The following ZNF121 variants were observed in gnomAD, a reference collection of about 807,000 sequenced individuals.
ZNF121 encodes zinc finger protein 121.
Under a neutral mutation model 2.4 loss-of-function variants are expected in ZNF121, and 1 was observed. The observed-to-expected ratio is 0.41, with a 90% CI of 0.15 to 1.94. The LOEUF (loss-of-function observed/expected upper bound fraction) is 1.94. Ranked by LOEUF, ZNF121 falls within the 30% of genes most tolerant of loss-of-function variation. ZNF121 has a pLI of 0.30. For synonymous variants in ZNF121, 173 were observed against 158.6 expected (o/e 1.09, Z -0.68); for missense variants, 369 against 466.3 (o/e 0.79, Z 1.92).
chr19:9,564,795 G>A lies in ZNF121; in HGVS notation c.*1145C>T, dbSNP rs997002001. The A allele has an allele frequency of 5.3e-5, 8 of 152,296 alleles. No individual in the cohort carries two copies. Among genetic ancestry groups the A allele is most frequent in the Admixed American group, 6.5e-5 (1 of 15,292 alleles). The allele number at this position is 152,296 out of a possible 1,614,324, so 9.4% of individuals were successfully genotyped here. A position where few individuals can be genotyped will look rare whatever the true frequency, so the allele number is the denominator to read the frequency against. On this transcript the variant is annotated 3_prime_UTR_variant, in exon 4 of 4. Transcript: ENST00000320451. ...GCGTAAAATGTTATCAAACAGCGTC[G>A]AATGCTAAAGAGAAGTTTTTCATGT...
chr19:9,583,092 C>G (rs540021622), intron 1 of ZNF121, among the ~76,000 whole-genome samples: 2 of 147,606 alleles, frequency 1.4e-5, no homozygotes, highest in East Asian at 4.3e-4. Flanking sequence ...GGTCCCCATG[C>G]CTGTTGTCCC....
intron 1 of ZNF121, among the ~76,000 whole-genome samples, chr19:9,582,948 G>A (rs1229751627): frequency 3.3e-5 from 2 of 59,722 alleles, no homozygotes; most frequent in African/African-American, 2.5e-4. Flanking sequence ...AGGAGCGGAG[G>A]CTCACGCCTG....
chr19:9,571,075 G>C (rs2074170727), intron 1 of ZNF121, among the ~76,000 whole-genome samples: 1 of 152,196 alleles, frequency 6.6e-6, no homozygotes, highest in African/African-American at 2.4e-5. Context: ...AAATGAAATA[G>C]ATAAGCAGTT....
chr19:9,576,387 TC>T (rs2074210431), intron 1 of ZNF121, among the ~76,000 whole-genome samples: 1 of 151,414 alleles, frequency 6.6e-6, no homozygotes, highest in South Asian at 2.1e-4. Flanking sequence ...CATATCAAAA[TC>T]CATGGTACAA....
chr19:9,570,843 A>G (rs2074168962), intron 1 of ZNF121, among the ~76,000 whole-genome samples: 1 of 152,162 alleles, frequency 6.6e-6, no homozygotes, highest in Non-Finnish European at 1.5e-5. Context: ...AGCCTCCCAA[A>G]GTGCTGGGAT....
rs2074154370 is a variant in ZNF121 at position 9,569,005 on chromosome 19, G to A, written c.-82C>T. ...CAGGAGTGTTCTTCATACTCACCTT[G>A]GGGAACTCCGGTTGGCAATGTGCTC... On this transcript the variant is annotated 5_prime_UTR_variant, in exon 2 of 4. Transcript: ENST00000320451. The A allele has an allele frequency of 1.3e-5, 2 of 153,038 alleles. No homozygotes were observed. The highest frequency in any genetic ancestry group is 4.1e-4 in the South Asian group (2 of 4,830). The allele number at this position is 153,038 out of a possible 1,614,324, so 9.5% of individuals were successfully genotyped here.
In ZNF121 at chr19:9,567,045, T is replaced by C; in HGVS notation, c.68A>G (p.His23Arg). ...TCCCATGTGTGCATTAAGGCATGAG[T>C]GTTCACTGAAGATTTCTCCATTTTC... The part of the protein sequence containing the change: ...FMENGEIFSE[H>R]SCLNAHMGTE... Residue 23 changes from histidine to arginine, a missense_variant, in exon 4 of 4, where the codon CAC becomes CGC. Physicochemically the swap from His to Arg is conservative, Grantham distance 29. Coordinates refer to ENST00000320451, the MANE Select transcript of ZNF121 (RefSeq NM_001008727.5). 1.2e-6 allele frequency: 2 copies of C among 1,614,042 alleles called. No homozygotes were observed. Among genetic ancestry groups the C allele is most frequent in the South Asian group, 2.2e-5 (2 of 91,064 alleles).
At chr19:9,582,086 G>A (rs2074251667) in intron 1 of ZNF121, among the ~76,000 whole-genome samples, 1 of 152,138 alleles carries the variant, frequency 6.6e-6, no homozygotes, top group African/African-American at 2.4e-5. Context: ...CAGGTGAACT[G>A]CCTGAGCTCA....
chr19:9,574,130 G>C (rs2074193613), intron 1 of ZNF121, among the ~76,000 whole-genome samples: 2 of 149,868 alleles, frequency 1.3e-5, no homozygotes, highest in South Asian at 4.2e-4. Context: ...TATTTCTTTA[G>C]CAAGGCCATT....
intron 1 of ZNF121, 199 bp downstream of exon 1, chr19:9,584,261 CA>C: frequency 6.6e-6 from 1 of 152,374 alleles, no homozygotes; most frequent in South Asian, 2.1e-4. Context: ...GGAGTCGGGA[CA>C]AACACACTTC....
At chr19:9,567,609 T>C (rs994256162) in intron 3 of ZNF121, 5 of 273,694 alleles carry the variant, frequency 1.8e-5, no homozygotes, top group Admixed American at 1.4e-4. Flanking sequence ...TCTATTATTA[T>C]TACATTGTAA....
At chr19:9,582,638 C>T (rs944203079) in intron 1 of ZNF121, among the ~76,000 whole-genome samples, 5 of 151,770 alleles carry the variant, frequency 3.3e-5, no homozygotes, top group Admixed American at 2.6e-4. Context: ...CATGGACGCA[C>T]CTAATGCTAG....
intron 1 of ZNF121, among the ~76,000 whole-genome samples, chr19:9,576,760 T>TA (rs2074212861): frequency 6.6e-6 from 1 of 151,322 alleles, no homozygotes; most frequent in African/African-American, 2.4e-5. Context: ...CCAAATAAAA[T>TA]AAAAAATGAA....
intron 1 of ZNF121, among the ~76,000 whole-genome samples, chr19:9,575,720 G>A (rs1188454633): frequency 6.6e-6 from 1 of 152,074 alleles, no homozygotes; most frequent in Non-Finnish European, 1.5e-5. Flanking sequence ...TCCAGCCTGG[G>A]CAACAGAGCA....
intron 1 of ZNF121, among the ~76,000 whole-genome samples, chr19:9,575,999 C>G (rs1164391623): frequency 6.6e-6 from 1 of 152,030 alleles, no homozygotes; most frequent in Non-Finnish European, 1.5e-5. Context: ...AAGCAATAAA[C>G]TAAACCAAAA....
intron 1 of ZNF121, among the ~76,000 whole-genome samples, chr19:9,577,024 T>G (rs546080973): frequency 6.6e-6 from 1 of 151,986 alleles, no homozygotes; most frequent in Non-Finnish European, 1.5e-5. Context: ...TACCAAAAAC[T>G]GAAAGAATAA....
chr19:9,570,336 G>T (rs934138411), intron 1 of ZNF121, among the ~76,000 whole-genome samples: 5 of 152,196 alleles, frequency 3.3e-5, no homozygotes, highest in Non-Finnish European at 5.9e-5. Context: ...TGTGAAGGAG[G>T]GAATCCTAGA....
At chr19:9,583,801 A>G (rs2074266231) in intron 1 of ZNF121, among the ~76,000 whole-genome samples, 1 of 152,206 alleles carries the variant, frequency 6.6e-6, no homozygotes, top group South Asian at 2.1e-4. Flanking sequence ...CAGCGCGCCC[A>G]GCCTGCCTTT....
rs2074100182 is a variant in ZNF121 at position 9,561,469 on chromosome 19, C to T, written c.*4471G>A. On this transcript the variant is annotated 3_prime_UTR_variant, in exon 4 of 4. Transcript: ENST00000320451. ...GCATCAAATTTACAGTAGCTAACTACACCCCATAGATTAAGAATTTATGAT... is the reference window on the plus strand; with the variant it reads ...GCATCAAATTTACAGTAGCTAACTATACCCCATAGATTAAGAATTTATGAT... 1 of 152,168 alleles carries T rather than the reference C, an allele frequency of 6.6e-6. No individual in the cohort carries two copies. The highest frequency in any genetic ancestry group is 6.5e-5 in the Admixed American group (1 of 15,268). 9.4% of individuals were successfully genotyped at this position (152,168 alleles called of 1,614,324 possible). A position where few individuals can be genotyped will look rare whatever the true frequency, so the allele number is the denominator to read the frequency against.
Sources: allele counts gnomAD v4.1 joint callset (sites outside exome capture counted in the v4.1 genomes callset), GRCh38; gene constraint gnomAD v4.1.1; transcripts MANE v1.5; gene names NCBI Gene and HGNC (gene_info 2026-07-23, HGNC 2026-07-21).